Variants in UVRAG observed in about 807,000 individuals in gnomAD.
UVRAG encodes the protein UV radiation resistance-associated gene protein.
Under a neutral mutation model 78.0 loss-of-function variants are expected in UVRAG, and 19 were observed. The ratio of observed to expected loss-of-function variants is 0.24; its 90% CI spans 0.17 to 0.36. UVRAG has a LOEUF of 0.36. Among genes scored for constraint, UVRAG ranks in the 10% least tolerant of loss-of-function variants. The pLI is 1.00. For missense variants in UVRAG, 740 were observed against 853.8 expected, an observed-to-expected ratio of 0.87 and a Z score of 1.66; for synonymous variants, 323 against 324.6, an observed-to-expected ratio of 1.00 and a Z score of 0.05.
chr11:75,875,990 A>G (rs1946768017), intron 3 of UVRAG, among the ~76,000 whole-genome samples: 1 of 152,084 alleles, frequency 6.6e-6, no homozygotes, highest in African/African-American at 2.4e-5. Flanking sequence ...TGTGGGCAAC[A>G]TGGTGAGACC....
chr11:75,983,551 A>T (rs761050220), intron 8 of UVRAG, 38 bp downstream of exon 8: 3 of 1,514,936 alleles, frequency 2.0e-6, no homozygotes, highest in Middle Eastern at 1.8e-4. Context: ...TAACCTCCAC[A>T]TTCAGTAGTT....
Position 75,888,857 on chromosome 11 carries a change from T to C in UVRAG, c.461T>C (p.Ile154Thr). ...QIHARNQNEI[I>T]FGLNDGYYGA... ...CATGCCCGAAACCAAAATGAAATAA[T>C]TTTTGGGCTGAATGATGGATACTAT... Residue 154 changes from isoleucine to threonine, a missense_variant, in exon 5 of 15, where the codon ATT becomes ACT. By Grantham distance (89) the Ile-to-Thr change is moderately conservative (BLOSUM62 -1). Transcript: ENST00000356136. The C allele has an allele frequency of 6.2e-7, 1 of 1,613,454 alleles. No homozygotes were observed.
intron 1 of UVRAG, among the ~76,000 whole-genome samples, chr11:75,844,091 C>A (rs1391249923): frequency 2.0e-5 from 3 of 152,098 alleles, no homozygotes; most frequent in Admixed American, 6.5e-5. Flanking sequence ...GTGTGAACAT[C>A]CCTGATGCTG....
chr11:75,913,971 C>T (rs1312375836), intron 6 of UVRAG, among the ~76,000 whole-genome samples: 1 of 152,206 alleles, frequency 6.6e-6, no homozygotes, highest in East Asian at 1.9e-4. Flanking sequence ...GCCTTATTAA[C>T]AGTGGTCTCC....
chr11:75,901,169 G>A (rs556525330), intron 5 of UVRAG, among the ~76,000 whole-genome samples: 13 of 152,244 alleles, frequency 8.5e-5, no homozygotes, highest in Admixed American at 2.0e-4. Flanking sequence ...GCTGTCTACT[G>A]ATTCATTAGG....
At chr11:75,820,593 G>C (rs985383999) in intron 1 of UVRAG, among the ~76,000 whole-genome samples, 1 of 151,886 alleles carries the variant, frequency 6.6e-6, no homozygotes, top group Non-Finnish European at 1.5e-5. Flanking sequence ...GAGCTCAGGT[G>C]ATCCACCTGC....
intron 12 of UVRAG, among the ~76,000 whole-genome samples, chr11:76,062,127 T>C (rs1408348411): frequency 2.0e-5 from 3 of 152,280 alleles, no homozygotes; most frequent in Admixed American, 1.3e-4. Flanking sequence ...AACTAAGCTC[T>C]GCCTCCATCT....
intron 6 of UVRAG, among the ~76,000 whole-genome samples, chr11:75,919,953 G>C (rs1947938143): frequency 6.8e-6 from 1 of 146,148 alleles, no homozygotes; most frequent in African/African-American, 2.5e-5. Context: ...AAGAAAGCAG[G>C]CACATAGAAG....
chr11:75,982,897 A>G (rs1309245626), intron 7 of UVRAG, among the ~76,000 whole-genome samples: 4 of 152,130 alleles, frequency 2.6e-5, no homozygotes, highest in Non-Finnish European at 4.4e-5. Flanking sequence ...CATTTTATTT[A>G]TCCTTTCATC....
chr11:75,824,490 T>G (rs1945467105), intron 1 of UVRAG, among the ~76,000 whole-genome samples: 1 of 151,628 alleles, frequency 6.6e-6, no homozygotes, highest in African/African-American at 2.4e-5. Flanking sequence ...AATTCAGAAG[T>G]GAAACTGACT....
At chr11:75,997,201 T>G (rs1239615609) in intron 8 of UVRAG, among the ~76,000 whole-genome samples, 1 of 152,246 alleles carries the variant, frequency 6.6e-6, no homozygotes, top group African/African-American at 2.4e-5. Context: ...ATATTGCTTT[T>G]TGGTCATCTG....
intron 7 of UVRAG, among the ~76,000 whole-genome samples, chr11:75,969,699 C>T (rs986641755): frequency 6.6e-6 from 1 of 152,126 alleles, no homozygotes; most frequent in African/African-American, 2.4e-5. Flanking sequence ...AACAGATGAT[C>T]ATACCATCTG....
At chr11:76,074,713 T>C (rs985492029) in intron 13 of UVRAG, among the ~76,000 whole-genome samples, 10 of 152,234 alleles carry the variant, frequency 6.6e-5, no homozygotes, top group African/African-American at 2.4e-4. Flanking sequence ...AGTTATATCC[T>C]ACTAACATTA....
chr11:76,060,778 G>A (rs577995146), intron 12 of UVRAG, among the ~76,000 whole-genome samples: 17 of 152,330 alleles, frequency 1.1e-4, no homozygotes, highest in Admixed American at 1.3e-4. Context: ...TCGATTTCTC[G>A]CCAGGCCTCA....
At chr11:76,075,214 A>C (rs1262972008) in intron 13 of UVRAG, among the ~76,000 whole-genome samples, 1 of 152,210 alleles carries the variant, frequency 6.6e-6, no homozygotes, top group African/African-American at 2.4e-5. Context: ...CTGCATACAA[A>C]ATTTGCCAAT....
intron 14 of UVRAG, among the ~76,000 whole-genome samples, chr11:76,130,917 G>A (rs1225654343): frequency 6.6e-6 from 1 of 150,988 alleles, no homozygotes; most frequent in Non-Finnish European, 1.5e-5. Context: ...GGCAAAGGCA[G>A]AGGTTTTGGG....
chr11:75,954,294 C>T (rs1948755342), intron 6 of UVRAG, among the ~76,000 whole-genome samples: 1 of 152,154 alleles, frequency 6.6e-6, no homozygotes, highest in African/African-American at 2.4e-5. Flanking sequence ...TGAAGTCATA[C>T]ATTAATTATG....
At chr11:75,980,031 T>G (rs1437828680) in intron 7 of UVRAG, 1 of 152,464 alleles carries the variant, frequency 6.6e-6, no homozygotes, top group African/African-American at 2.4e-5. Flanking sequence ...CCCTGCCTCT[T>G]TTTTCTGGTA....
intron 8 of UVRAG, among the ~76,000 whole-genome samples, chr11:75,987,886 T>G (rs1477386846): frequency 1.3e-5 from 2 of 151,974 alleles, no homozygotes; most frequent in African/African-American, 4.8e-5. Context: ...TACAGGCACC[T>G]GCCACCATGC....
Sources: allele counts gnomAD v4.1 joint callset (sites outside exome capture counted in the v4.1 genomes callset), GRCh38; gene constraint gnomAD v4.1.1; transcripts MANE v1.5; gene names NCBI Gene and HGNC (gene_info 2026-07-23, HGNC 2026-07-21).